Variants in MALRD1 observed in about 807,000 individuals in gnomAD.
MALRD1 encodes MAM and LDL-receptor class A domain-containing protein 1.
In MALRD1, 247 loss-of-function variants were observed where a neutral mutation model predicts 242.1. The observed-to-expected ratio is 1.02, with a 90% CI of 0.92 to 1.13. The LOEUF (loss-of-function observed/expected upper bound fraction) is 1.13. MALRD1 is among the 50% of genes most tolerant of loss of function. The pLI is 0.00. For synonymous variants in MALRD1, 995 were observed against 866.6 expected, an observed-to-expected ratio of 1.15 and a Z score of -2.60; for missense variants, 2,989 against 2,533.1, an observed-to-expected ratio of 1.18 and a Z score of -3.86.
At chr10:19,286,517 G>T (rs979004490) in intron 21 of MALRD1, among the ~76,000 whole-genome samples, 1 of 152,152 alleles carries the variant, frequency 6.6e-6, no homozygotes, top group Non-Finnish European at 1.5e-5. Context: ...TAATCATGTG[G>T]TTTTTGTCTT....
intron 14 of MALRD1, among the ~76,000 whole-genome samples, chr10:19,185,776 T>A (rs1356799450): frequency 6.6e-6 from 1 of 151,382 alleles, no homozygotes; most frequent in Non-Finnish European, 1.5e-5. Flanking sequence ...AAGGCTTGAA[T>A]TTCCTATAGC....
At chr10:19,505,932 T>G (rs960943592) in intron 31 of MALRD1, among the ~76,000 whole-genome samples, 5 of 152,200 alleles carry the variant, frequency 3.3e-5, no homozygotes, top group South Asian at 2.1e-4. Flanking sequence ...GGCTGCATAT[T>G]AGAATCATCT....
chr10:19,534,217 T>C (rs1172273320), intron 32 of MALRD1, among the ~76,000 whole-genome samples: 2 of 152,216 alleles, frequency 1.3e-5, no homozygotes, highest in African/African-American at 4.8e-5. Flanking sequence ...ATTTTCATAA[T>C]GTGGCCTTAC....
intron 36 of MALRD1, among the ~76,000 whole-genome samples, chr10:19,627,309 A>G (rs1839695285): frequency 6.6e-6 from 1 of 152,106 alleles, no homozygotes; most frequent in Non-Finnish European, 1.5e-5. Flanking sequence ...AAGCTTAGTA[A>G]GCAGCTGTAA....
chr10:19,445,179 A>T (rs185852341), intron 28 of MALRD1, among the ~76,000 whole-genome samples: 1 of 152,036 alleles, frequency 6.6e-6, no homozygotes, highest in East Asian at 1.9e-4. Context: ...GGTCTTATTT[A>T]TGCTGTTTTT....
intron 29 of MALRD1, among the ~76,000 whole-genome samples, chr10:19,456,750 CATTT>C (rs148086758): frequency 0.021 from 2,962 of 141,616 alleles, 31 homozygotes; most frequent in African/African-American, 0.024. Context: ...TTAAAAGTGA[CATTT>C]ATTTATTTAT....
rs953276446 is a variant in MALRD1 at position 19,462,327 on chromosome 10, G to A, written c.5029+11837G>A. On this transcript the variant is annotated intron_variant, in intron 29 of 39. Transcript: ENST00000454679. Reference sequence around the variant, plus strand: ...AGGTTTAATTACCAGAGACTAGGAAGAGCCACCATGCCCCCGAGTTTACTG... The same window carrying A: ...AGGTTTAATTACCAGAGACTAGGAAAAGCCACCATGCCCCCGAGTTTACTG... 3.3e-5 allele frequency among the ~76,000 whole-genome samples: 5 copies of A among 152,172 alleles called. No homozygotes were observed. The South Asian group carries it at 8.3e-4, about 25-fold the overall frequency.
chr10:19,049,168 A>G (rs149714466), intron 1 of MALRD1, 31 bp downstream of exon 1: 22,870 of 1,233,038 alleles, frequency 0.019, 263 homozygotes, highest in Non-Finnish European at 0.021. Flanking sequence ...TCCAATTTCA[A>G]TTCCCCGTAC....
intron 28 of MALRD1, among the ~76,000 whole-genome samples, chr10:19,427,939 A>G (rs1833962617): frequency 6.6e-6 from 1 of 152,142 alleles, no homozygotes; most frequent in African/African-American, 2.4e-5. Flanking sequence ...GTTGCATATC[A>G]CTGTATACAC....
chr10:19,679,609 G>A (rs1419893264), intron 36 of MALRD1, among the ~76,000 whole-genome samples: 2 of 151,732 alleles, frequency 1.3e-5, no homozygotes, highest in Admixed American at 1.3e-4. Flanking sequence ...AACACCTGCT[G>A]GATTCGTTGA....
chr10:19,566,419 G>A (rs777382484), intron 32 of MALRD1, among the ~76,000 whole-genome samples: 22 of 150,624 alleles, frequency 1.5e-4, no homozygotes, highest in Non-Finnish European at 2.2e-4. Flanking sequence ...GATTACAGGC[G>A]TGAGCCACCA....
intron 28 of MALRD1, among the ~76,000 whole-genome samples, chr10:19,434,507 C>A (rs957257419): frequency 1.3e-5 from 2 of 151,748 alleles, no homozygotes; most frequent in African/African-American, 4.8e-5. Context: ...AAAATGTTTG[C>A]AGTTTAAAGA....
intron 24 of MALRD1, among the ~76,000 whole-genome samples, chr10:19,332,747 A>T (rs1294104446): frequency 6.6e-6 from 1 of 152,190 alleles, no homozygotes; most frequent in Non-Finnish European, 1.5e-5. Context: ...GAACTTCAGA[A>T]GTCTTGAGAG....
chr10:19,226,847 A>G (rs1837822472), intron 18 of MALRD1, among the ~76,000 whole-genome samples: 1 of 152,084 alleles, frequency 6.6e-6, no homozygotes, highest in Admixed American at 6.6e-5. Flanking sequence ...ATCAATAAAT[A>G]AAATCAATTG....
chr10:19,173,326 A>G (rs1194429470), intron 13 of MALRD1, among the ~76,000 whole-genome samples: 2 of 152,114 alleles, frequency 1.3e-5, no homozygotes, highest in African/African-American at 2.4e-5. Context: ...TTTAACTGGT[A>G]TAGTATTTCT....
chr10:19,067,542 A>G (rs549777905), intron 2 of MALRD1, among the ~76,000 whole-genome samples: 2 of 152,266 alleles, frequency 1.3e-5, no homozygotes, highest in African/African-American at 4.8e-5. Context: ...ATTCAATTAA[A>G]TGTTAAAATA....
rs1259303994 is a variant in MALRD1, at chr10:19,504,724, G to A, written c.5320+6078G>A. Among the ~76,000 whole-genome samples the A allele has an allele frequency of 2.7e-4, 34 of 126,730 alleles. No individual in the cohort carries two copies. In the East Asian group the frequency reaches 3.8e-3, roughly 14 times the overall value. 83.1% of individuals were successfully genotyped at this position (126,730 alleles called of 152,430 possible). On this transcript the variant is annotated intron_variant, in intron 31 of 39. Transcript: ENST00000454679. ...GGAGTCTCGCTCTGTCGCCCAGGCC[G>A]GACTGCGGACTGCAGTGGCGCAATC...
At chr10:19,203,166 T>A (rs1182932811) in intron 14 of MALRD1, among the ~76,000 whole-genome samples, 1 of 148,550 alleles carries the variant, frequency 6.7e-6, no homozygotes, top group African/African-American at 2.5e-5. Flanking sequence ...TTAACTGATT[T>A]ATCTGCGTAT....
rs535457316 is a variant in MALRD1 at position 19,697,041 on chromosome 10, A to G, written c.6314+4487A>G. 2.0e-5 allele frequency among the ~76,000 whole-genome samples: 3 copies of G among 152,350 alleles called. No individual in the cohort carries two copies. The South Asian group carries it at 6.2e-4, about 32-fold the overall frequency. ...CTAGACTTTAAGAAGTTTGTAATCT[A>G]GGGAAAGAAGCAGATACATAAACCA... On this transcript the variant is annotated intron_variant, in intron 38 of 39. Coordinates refer to ENST00000454679, the MANE Select transcript of MALRD1 (RefSeq NM_001142308.3).
Sources: gnomAD v4.1 joint callset for allele counts (sites outside exome capture counted in the v4.1 genomes callset) on GRCh38, gnomAD v4.1.1 for gene constraint, MANE v1.5 for transcripts, NCBI Gene and HGNC (gene_info 2026-07-23, HGNC 2026-07-21) for gene names.